Variants in FOXP1 observed in about 807,000 individuals in gnomAD.
FOXP1 encodes forkhead box P1.
In FOXP1, 15 loss-of-function variants were observed where a neutral mutation model predicts 98.2. The ratio of observed to expected loss-of-function variants is 0.15; its 90% CI spans 0.10 to 0.24. The LOEUF (loss-of-function observed/expected upper bound fraction) is 0.24. Ranked by LOEUF, FOXP1 falls within the 10% of genes least tolerant of loss-of-function variation. FOXP1 has a pLI of 1.00. For missense variants in FOXP1, 633 were observed against 848.5 expected (o/e 0.75, Z 3.15); for synonymous variants, 371 against 314.5 (o/e 1.18, Z -1.90).
intron 2 of FOXP1, among the ~76,000 whole-genome samples, chr3:71,518,543 G>A (rs1396303786): frequency 6.6e-6 from 1 of 152,110 alleles, no homozygotes; most frequent in African/African-American, 2.4e-5. Context: ...GTTTGTGTAA[G>A]TGATATATAC....
At chr3:71,216,182 A>C (rs1223038633) in intron 5 of FOXP1, among the ~76,000 whole-genome samples, 1 of 152,236 alleles carries the variant, frequency 6.6e-6, no homozygotes, top group Non-Finnish European at 1.5e-5. Context: ...ACTGAATGAG[A>C]AGCTTGCACA....
intron 6 of FOXP1, among the ~76,000 whole-genome samples, chr3:71,138,209 G>A (rs961545759): frequency 2.0e-5 from 3 of 152,154 alleles, no homozygotes; most frequent in Non-Finnish European, 2.9e-5. Context: ...AGGAAGAAGC[G>A]AATGCTTCTA....
chr3:71,583,542 G>A (rs1005514834), intron 1 of FOXP1, 29 bp downstream of exon 1: 11 of 983,090 alleles, frequency 1.1e-5, no homozygotes, highest in Non-Finnish European at 1.3e-5. Context: ...GGGAAAAAGT[G>A]GAGCAGAAAT....
intron 4 of FOXP1, among the ~76,000 whole-genome samples, chr3:71,345,281 G>A (rs1173668487): frequency 6.6e-6 from 1 of 151,852 alleles, no homozygotes; most frequent in Non-Finnish European, 1.5e-5. Context: ...CCAGCTACTC[G>A]GGAGGCTGAG....
At chr3:71,400,906 C>T (rs1489695119) in intron 3 of FOXP1, among the ~76,000 whole-genome samples, 5 of 152,096 alleles carry the variant, frequency 3.3e-5, no homozygotes, top group African/African-American at 9.7e-5. Flanking sequence ...TAAACAGAGG[C>T]TTCAGGAGAA....
chr3:71,192,824 A>AT, intron 6 of FOXP1, among the ~76,000 whole-genome samples: 1 of 152,034 alleles, frequency 6.6e-6, no homozygotes, highest in East Asian at 1.9e-4. Context: ...TAACTTTTGC[A>AT]TTTTTTGTAG....
intron 2 of FOXP1, among the ~76,000 whole-genome samples, chr3:71,512,254 G>A (rs375852039): frequency 6.6e-6 from 1 of 152,112 alleles, no homozygotes; most frequent in South Asian, 2.1e-4. Flanking sequence ...CGAAGGGTAG[G>A]GTAATATACC....
chr3:71,110,744 G>T (rs1289776899), intron 7 of FOXP1, among the ~76,000 whole-genome samples: 1 of 152,126 alleles, frequency 6.6e-6, no homozygotes, highest in African/African-American at 2.4e-5. Context: ...CAACTTATTT[G>T]AATCCTGACA....
chr3:71,072,467 A>T (rs1434942822), intron 7 of FOXP1, among the ~76,000 whole-genome samples: 1 of 152,198 alleles, frequency 6.6e-6, no homozygotes, highest in East Asian at 1.9e-4. Flanking sequence ...GTTTTTTGGG[A>T]AACAACCCAA....
intron 6 of FOXP1, among the ~76,000 whole-genome samples, chr3:71,125,372 G>C (rs2059092583): frequency 6.6e-6 from 1 of 152,120 alleles, no homozygotes; most frequent in African/African-American, 2.4e-5. Context: ...TGGATTTGGA[G>C]TTCTTCCATT....
At chr3:71,193,946 T>C (rs1004109945) in intron 6 of FOXP1, among the ~76,000 whole-genome samples, 6 of 152,192 alleles carry the variant, frequency 3.9e-5, no homozygotes, top group African/African-American at 1.2e-4. Flanking sequence ...CCCACCTCCT[T>C]GCTAGTCATT....
At chr3:71,105,062 T>C (rs2057311024) in intron 7 of FOXP1, among the ~76,000 whole-genome samples, 2 of 152,244 alleles carry the variant, frequency 1.3e-5, no homozygotes, top group African/African-American at 2.4e-5. Context: ...AAGCAGCTGA[T>C]TGTGGAACCA....
intron 5 of FOXP1, among the ~76,000 whole-genome samples, chr3:71,264,675 T>C (rs2069471134): frequency 6.6e-6 from 1 of 152,182 alleles, no homozygotes; most frequent in Admixed American, 6.5e-5. Context: ...TGTCTTCTAC[T>C]CTGAGTTTCC....
At chr3:71,494,427 T>C (rs1329663697) in intron 2 of FOXP1, among the ~76,000 whole-genome samples, 1 of 152,254 alleles carries the variant, frequency 6.6e-6, no homozygotes, top group Non-Finnish European at 1.5e-5. Flanking sequence ...ACTCTCATGC[T>C]GACCTGCCAT....
chr3:71,580,251 G>T (rs987529503), intron 2 of FOXP1, among the ~76,000 whole-genome samples: 3 of 151,646 alleles, frequency 2.0e-5, no homozygotes, highest in African/African-American at 7.3e-5. Context: ...GGGGGTGGGG[G>T]ATGCAGCCAG....
At chr3:71,207,245 G>GTGTT (rs776005437) in intron 5 of FOXP1, among the ~76,000 whole-genome samples, 2 of 72,828 alleles carry the variant, frequency 2.7e-5, no homozygotes, top group Admixed American at 1.5e-4. Flanking sequence ...GTTCAGAAAA[G>GTGTT]TCTTTTTTTT....
intron 4 of FOXP1, among the ~76,000 whole-genome samples, chr3:71,335,873 C>T (rs775416166): frequency 4.6e-5 from 7 of 151,754 alleles, no homozygotes; most frequent in Admixed American, 3.9e-4. Flanking sequence ...GACTTGTTGG[C>T]GTGCACCTGT....
intron 5 of FOXP1, among the ~76,000 whole-genome samples, chr3:71,231,714 G>A (rs1478286337): frequency 6.6e-6 from 1 of 152,214 alleles, no homozygotes; most frequent in Non-Finnish European, 1.5e-5. Context: ...AAAGATGAGT[G>A]AATAGAAAAA....
At chr3:70,975,684 C>A (rs796923097) in intron 17 of FOXP1, among the ~76,000 whole-genome samples, 1 of 152,106 alleles carries the variant, frequency 6.6e-6, no homozygotes, top group South Asian at 2.1e-4. Flanking sequence ...TCACATGTCT[C>A]TAAATGTTTT....
Sources: gnomAD v4.1 joint callset for allele counts (sites outside exome capture counted in the v4.1 genomes callset) on GRCh38, gnomAD v4.1.1 for gene constraint, MANE v1.5 for transcripts, NCBI Gene and HGNC (gene_info 2026-07-23, HGNC 2026-07-21) for gene names.